CAPN9: variants seen among roughly 807,000 people sequenced by gnomAD.
CAPN9 encodes the protein calpain-9.
Under a neutral mutation model 92.8 loss-of-function variants are expected in CAPN9, and 81 were observed. That is an observed-to-expected ratio of 0.87 (90% CI 0.73 to 1.05). The LOEUF is 1.05. CAPN9 is among the 50% of genes least tolerant of loss of function. CAPN9 has a pLI of 0.00. For missense variants in CAPN9, 848 were observed against 866.2 expected (o/e 0.98, Z 0.26); for synonymous variants, 304 against 328.0 (o/e 0.93, Z 0.79).
At chr1:230,793,202 G>C (rs1162846603) in intron 17 of CAPN9, among the ~76,000 whole-genome samples, 1 of 152,196 alleles carries the variant, frequency 6.6e-6, no homozygotes, top group Admixed American at 6.5e-5. Context: ...CTGCCCTCTG[G>C]AGGCCTCATA....
Position 230,747,390 on chromosome 1 carries a change from C to A in CAPN9, c.-107C>A. On this transcript the variant is annotated 5_prime_UTR_variant, in exon 1 of 20. Transcript: ENST00000271971. ...ATAGGTGGAGGTGAGGGCCACTCAG[C>A]CCAGTGGCCCTCTGAGCTGTTCCTT... The A allele has an allele frequency of 1.1e-6, 1 of 952,006 alleles. No individual in the cohort carries two copies. Among genetic ancestry groups the A allele is most frequent in the East Asian group, 2.4e-5 (1 of 41,764 alleles). 59.0% of individuals were successfully genotyped at this position (952,006 alleles called of 1,614,324 possible). A position where few individuals can be genotyped will look rare whatever the true frequency, so the allele number is the denominator to read the frequency against.
intron 3 of CAPN9, among the ~76,000 whole-genome samples, chr1:230,760,131 G>A (rs1478382802): frequency 1.3e-5 from 2 of 152,124 alleles, no homozygotes; most frequent in African/African-American, 4.8e-5. Context: ...ATCAGGAGAG[G>A]CTTGCCCCCA....
intron 4 of CAPN9, among the ~76,000 whole-genome samples, chr1:230,764,379 C>T (rs992714814): frequency 1.3e-5 from 2 of 152,204 alleles, no homozygotes; most frequent in South Asian, 2.1e-4. Flanking sequence ...GTTCTCAAAC[C>T]TTTGGACTCA....
Position 230,801,917 on chromosome 1 carries a change from G to T in CAPN9, c.*321G>T. 1 of 383,888 alleles carries T rather than the reference G, an allele frequency of 2.6e-6. No homozygotes were observed. The highest frequency in any genetic ancestry group is 4.7e-6 in the Non-Finnish European group (1 of 210,870). The allele number at this position is 383,888 out of a possible 1,614,324, so 23.8% of individuals were successfully genotyped here. On this transcript the variant is annotated 3_prime_UTR_variant, in exon 20 of 20. Transcript: ENST00000271971. ...ATTAAGAATTACTCAGAGTTCTAAC[G>T]CACAGAATCCTGACTTCCATGTAGC... is the stretch of plus-strand genomic sequence containing the variant.
intron 11 of CAPN9, among the ~76,000 whole-genome samples, chr1:230,782,965 C>G (rs1026399841): frequency 3.3e-5 from 5 of 152,052 alleles, no homozygotes; most frequent in South Asian, 4.1e-4. Flanking sequence ...TGCAGTGAGC[C>G]GAGATCATGC....
intron 8 of CAPN9, among the ~76,000 whole-genome samples, chr1:230,774,898 C>A (rs188212384): frequency 1.3e-5 from 2 of 151,982 alleles, no homozygotes; most frequent in African/African-American, 4.8e-5. Flanking sequence ...TGCGCCACCA[C>A]GCCCGACTCA....
chr1:230,794,954 G>A (rs543826184), intron 17 of CAPN9, among the ~76,000 whole-genome samples: 3 of 152,206 alleles, frequency 2.0e-5, no homozygotes, highest in African/African-American at 4.8e-5. Flanking sequence ...CCGCACACTC[G>A]CCCCTGCACC....
chr1:230,747,617 AC>A lies in CAPN9; in HGVS notation c.124del (p.Leu42CysfsTer33), dbSNP rs891166956. 40 of 1,613,950 alleles carry A rather than the reference AC, an allele frequency of 2.5e-5. No homozygotes were observed. Among genetic ancestry groups the A allele is most frequent in the Non-Finnish European group, 3.3e-5 (39 of 1,180,030 alleles). On this transcript the variant is annotated frameshift_variant, in exon 1 of 20. Transcript: ENST00000271971. LOFTEE classifies it high-confidence loss of function. ...QMRQECLQRG[T>X]LFEDADFPAS... The stretch of plus-strand genomic sequence containing the variant: ...GAGGCAGGAGTGCCTGCAGAGAGGC[AC>A]CCTGTTTGAGGATGCAGACTTCCCA...
chr1:230,772,164 G>A (rs1192487257), intron 7 of CAPN9, 65 bp downstream of exon 7: 16 of 1,379,602 alleles, frequency 1.2e-5, no homozygotes, highest in Admixed American at 3.4e-5. Context: ...GCTGGCTTGT[G>A]CAGACATGTG....
intron 2 of CAPN9, 94 bp from the exon 3 acceptor site, chr1:230,759,418 A>C: frequency 1.2e-6 from 1 of 837,216 alleles, no homozygotes; most frequent in Middle Eastern, 2.5e-4. Flanking sequence ...ATGTGGCCAC[A>C]TCTGAAACTC....
rs774342227 is a variant in CAPN9 at position 230,772,023 on chromosome 1, C to T, written c.799C>T (p.Arg267Ter). 14 of 1,614,070 alleles carry T rather than the reference C, an allele frequency of 8.7e-6. No homozygotes were observed. Among genetic ancestry groups the T allele is most frequent in the Admixed American group, 1.7e-5 (1 of 60,020 alleles). ...SVTGIDQVSF[R>*]GQRIELIRIR... Reference sequence around the variant, plus strand: ...TGCTTTTCCCTTCTAGGTAAGCTTCCGAGGCCAGAGAATCGAGCTCATCCG... The same window carrying T: ...TGCTTTTCCCTTCTAGGTAAGCTTCTGAGGCCAGAGAATCGAGCTCATCCG... Residue 267 changes from arginine (R) to a stop codon, truncating the protein, a stop_gained, in exon 7 of 20, where the codon CGA becomes TGA. Transcript: ENST00000271971. LOFTEE classifies it high-confidence loss of function.
chr1:230,780,846 C>CT (rs1667170363), intron 11 of CAPN9, 138 bp downstream of exon 11: 1 of 551,614 alleles, frequency 1.8e-6, no homozygotes, highest in African/African-American at 1.9e-5. Context: ...AGGATGGTTT[C>CT]TTTCTTTTCT....
rs1667036695 is a variant in CAPN9, at chr1:230,779,131, T to C, written c.1112T>C (p.Leu371Pro). Residue 371 changes from leucine to proline, a missense_variant and splice_region_variant, in exon 9 of 20, where the codon CTG becomes CCG. Physicochemically the swap from Leu to Pro is moderately conservative, Grantham distance 98. Coordinates refer to ENST00000271971, the MANE Select transcript of CAPN9 (RefSeq NM_006615.3). Reference sequence around the variant, plus strand: ...ACGGCTGGGGGCTGCCGCAATTTCCTGGGTAGGTAGGCTGCCTGTCACTCT... The same window carrying C: ...ACGGCTGGGGGCTGCCGCAATTTCCCGGGTAGGTAGGCTGCCTGTCACTCT... Reference protein sequence around the residue: ...GSTAGGCRNFLDTFWTNPQIK... With the variant: ...GSTAGGCRNFPDTFWTNPQIK... The C allele has an allele frequency of 2.5e-6, 4 of 1,612,090 alleles. No homozygotes were observed. The highest frequency in any genetic ancestry group is 3.4e-6 in the Non-Finnish European group (4 of 1,179,762).
chr1:230,801,475 C>T, intron 19 of CAPN9, 95 bp from the exon 20 acceptor site: 2 of 1,143,388 alleles, frequency 1.7e-6, no homozygotes, highest in Non-Finnish European at 1.3e-6. Flanking sequence ...TAGCAGATCT[C>T]CTGTGATATC....
chr1:230,774,590 G>A lies in CAPN9; in HGVS notation c.912G>A (p.Gln304=). The A allele has an allele frequency of 1.2e-6, 2 of 1,614,122 alleles. No homozygotes were observed. The highest frequency in any genetic ancestry group is 1.7e-6 in the Non-Finnish European group (2 of 1,179,976). Residue 304 remains glutamine, a synonymous_variant, in exon 8 of 20, where the codon CAG becomes CAA. Transcript: ENST00000271971. ...GGCGTTCTGTTGGTCCAGCTGAGCA[G>A]AAGCGTCTGTGTCACACTGCTCTGG... The part of the protein sequence containing the change: ...PEWRSVGPAE[Q]KRLCHTALDD...
At chr1:230,784,133 A>G (rs1225145225) in intron 11 of CAPN9, among the ~76,000 whole-genome samples, 4 of 152,220 alleles carry the variant, frequency 2.6e-5, no homozygotes, top group African/African-American at 4.8e-5. Flanking sequence ...CTAACAACCT[A>G]TACTCAGATA....
At chr1:230,772,467 T>TTG (rs1553259973) in intron 7 of CAPN9, among the ~76,000 whole-genome samples, 3,787 of 151,618 alleles carry the variant, frequency 0.025, 171 homozygotes, top group African/African-American at 0.086. Flanking sequence ...GCGTGTGTGT[T>TTG]TGTGTGTGTG....
intron 2 of CAPN9, among the ~76,000 whole-genome samples, chr1:230,758,924 GT>G (rs1413076148): frequency 2.6e-5 from 4 of 152,206 alleles, no homozygotes. Context: ...CATGTTTGAT[GT>G]TTGACTTCAC....
chr1:230,754,747 C>A (rs1365587195), intron 1 of CAPN9, among the ~76,000 whole-genome samples: 1 of 152,022 alleles, frequency 6.6e-6, no homozygotes, highest in Non-Finnish European at 1.5e-5. Context: ...CCCAGAAGGT[C>A]AAGGCTGTAG....
Sources: allele counts gnomAD v4.1 joint callset (sites outside exome capture counted in the v4.1 genomes callset), GRCh38; gene constraint gnomAD v4.1.1; transcripts MANE v1.5; gene names NCBI Gene and HGNC (gene_info 2026-07-23, HGNC 2026-07-21).